Variants in RYK observed in about 807,000 individuals in gnomAD.
The protein encoded by RYK is inactive tyrosine-protein kinase RYK.
A neutral mutation model predicts 70.2 loss-of-function variants in RYK; 21 were observed. The ratio of observed to expected loss-of-function variants is 0.30; its 90% CI spans 0.21 to 0.43. The LOEUF is 0.43. Ranked by LOEUF, RYK falls within the 20% of genes least tolerant of loss-of-function variation. RYK has a pLI of 1.00. For missense variants in RYK, 604 were observed against 753.3 expected (o/e 0.80, Z 2.32); for synonymous variants, 267 against 278.0 (o/e 0.96, Z 0.39).
At chr3:134,180,727 G>C (rs1396726645) in intron 10 of RYK, 1 of 152,214 alleles carries the variant, frequency 6.6e-6, no homozygotes, top group Non-Finnish European at 1.5e-5. Context: ...CTGCTACAAT[G>C]AATGGAAAGA....
At chr3:134,180,419 TAA>T (rs1486545171) in intron 10 of RYK, 1 of 152,220 alleles carries the variant, frequency 6.6e-6, no homozygotes, top group Non-Finnish European at 1.5e-5. Flanking sequence ...CCATGGATGT[TAA>T]AACATGAAGC....
In RYK at chr3:134,195,302, C is replaced by A. The variant is rs1576514943; in HGVS notation, c.789-120G>T. On this transcript the variant is annotated intron_variant, in intron 6 of 14. Transcript: ENST00000623711. ...CAGCCTAAAATCCTTACGGAGATCACAATAATTCATGATGTTCCAATACTG... is the reference window on the plus strand; with the variant it reads ...CAGCCTAAAATCCTTACGGAGATCAAAATAATTCATGATGTTCCAATACTG... 3 of 676,028 alleles carry A rather than the reference C, an allele frequency of 4.4e-6. No individual in the cohort carries two copies. The East Asian group carries it at 8.4e-5, about 19-fold the overall frequency. The allele number at this position is 676,028 out of a possible 1,614,324, so 41.9% of individuals were successfully genotyped here.
intron 6 of RYK, among the ~76,000 whole-genome samples, chr3:134,196,771 C>T (rs2013832405): frequency 6.6e-6 from 1 of 152,070 alleles, no homozygotes; most frequent in South Asian, 2.1e-4. Flanking sequence ...GCTAATAATA[C>T]AATATACTAC....
At chr3:134,227,447 C>G (rs2014943398) in intron 1 of RYK, among the ~76,000 whole-genome samples, 1 of 151,702 alleles carries the variant, frequency 6.6e-6, no homozygotes, top group Non-Finnish European at 1.5e-5. Context: ...CAACAACGAT[C>G]TTGAAAATGA....
At chr3:134,209,255 C>CA (rs749829940) in intron 4 of RYK, among the ~76,000 whole-genome samples, 5 of 152,144 alleles carry the variant, frequency 3.3e-5, no homozygotes, top group Non-Finnish European at 7.4e-5. Flanking sequence ...AACTAAGCCT[C>CA]AGAGAGGTTA....
intron 1 of RYK, among the ~76,000 whole-genome samples, chr3:134,244,922 G>A (rs2015417859): frequency 6.6e-6 from 1 of 152,174 alleles, no homozygotes; most frequent in Non-Finnish European, 1.5e-5. Context: ...GAGCTCGTTT[G>A]CCCCTTCCAC....
intron 13 of RYK, among the ~76,000 whole-genome samples, chr3:134,172,247 A>G (rs1406692450): frequency 6.6e-6 from 1 of 152,260 alleles, no homozygotes; most frequent in Non-Finnish European, 1.5e-5. Context: ...GTAAACACTA[A>G]GAAAAGTTTA....
chr3:134,202,246 T>C (rs1242758463), intron 6 of RYK, among the ~76,000 whole-genome samples: 1 of 152,152 alleles, frequency 6.6e-6, no homozygotes, highest in Non-Finnish European at 1.5e-5. Context: ...CATCAAAATC[T>C]CTGGAAGGTG....
At chr3:134,210,148 C>G (rs554963770) in intron 3 of RYK, among the ~76,000 whole-genome samples, 1 of 152,142 alleles carries the variant, frequency 6.6e-6, no homozygotes, top group African/African-American at 2.4e-5. Context: ...TCCTGCTATT[C>G]CAGTACACTA....
Position 134,158,269 on chromosome 3 carries a change from A to G in RYK, c.1713-5T>C, listed in dbSNP as rs56088702. On this transcript the variant is annotated splice_polypyrimidine_tract_variant and splice_region_variant and intron_variant, in intron 14 of 14. Coordinates refer to ENST00000623711, the MANE Select transcript of RYK (RefSeq NM_002958.4). ...CAACAGGCCATCACAGCAAATCTGCAGAGTGACAAAAATGAAAATTTGGGC... is the reference window on the plus strand; with the variant it reads ...CAACAGGCCATCACAGCAAATCTGCGGAGTGACAAAAATGAAAATTTGGGC... 0.13 allele frequency: 203,772 copies of G among 1,535,778 alleles called. 15,926 individuals are homozygous for G. Among genetic ancestry groups the G allele is most frequent in the Non-Finnish European group, 0.16 (181,743 of 1,137,686 alleles).
intron 1 of RYK, among the ~76,000 whole-genome samples, chr3:134,236,175 C>A (rs1262612389): frequency 6.6e-6 from 1 of 151,932 alleles, no homozygotes; most frequent in African/African-American, 2.4e-5. Flanking sequence ...GTGACTCCAA[C>A]AATCCTAATG....
At chr3:134,224,941 T>G (rs2014857988) in intron 1 of RYK, among the ~76,000 whole-genome samples, 4 of 152,190 alleles carry the variant, frequency 2.6e-5, no homozygotes, top group Admixed American at 2.6e-4. Context: ...ATATCTATAT[T>G]CTATTTCTAG....
At chr3:134,159,178 CTT>C in intron 14 of RYK, 57 bp downstream of exon 14, 9 of 1,561,758 alleles carry the variant, frequency 5.8e-6, no homozygotes, top group Non-Finnish European at 7.9e-6. Context: ...GCTCTTTTTC[CTT>C]TATTCCAATA....
intron 4 of RYK, among the ~76,000 whole-genome samples, chr3:134,208,621 A>G (rs903963792): frequency 1.3e-5 from 2 of 152,206 alleles, no homozygotes; most frequent in African/African-American, 4.8e-5. Flanking sequence ...ACATTAGCCA[A>G]TTCAACTCAC....
At chr3:134,159,979 C>T (rs542333548) in intron 13 of RYK, among the ~76,000 whole-genome samples, 54 of 152,250 alleles carry the variant, frequency 3.5e-4, no homozygotes, top group African/African-American at 1.3e-3. Context: ...TTGGCCAATT[C>T]CTGGCTGTAC....
At chr3:134,176,281 T>C (rs1291588946) in intron 11 of RYK, among the ~76,000 whole-genome samples, 2 of 152,232 alleles carry the variant, frequency 1.3e-5, no homozygotes, top group Non-Finnish European at 2.9e-5. Flanking sequence ...CTGTTAGATG[T>C]ATCTCCCCAA....
chr3:134,157,732 AT>A lies in RYK; in HGVS notation c.*420del, dbSNP rs909432595. On this transcript the variant is annotated 3_prime_UTR_variant, in exon 15 of 15. Coordinates refer to ENST00000623711, the MANE Select transcript of RYK (RefSeq NM_002958.4). ...CCATTTCCCAGAGTAGTGATAAAAA[AT>A]AACACTAAAAAAACTTTAAAGGTGA... 4 of 153,558 alleles carry A rather than the reference AT, an allele frequency of 2.6e-5. No individual in the cohort carries two copies. The highest frequency in any genetic ancestry group is 1.3e-4 in the Admixed American group (2 of 15,330). 9.5% of individuals were successfully genotyped at this position (153,558 alleles called of 1,614,324 possible). A position where few individuals can be genotyped will look rare whatever the true frequency, so the allele number is the denominator to read the frequency against.
intron 1 of RYK, among the ~76,000 whole-genome samples, chr3:134,249,790 G>T (rs1228038263): frequency 6.6e-6 from 1 of 152,054 alleles, no homozygotes; most frequent in Non-Finnish European, 1.5e-5. Context: ...AAAAAGGTCT[G>T]CTACCTGGCG....
At chr3:134,160,505 A>T (rs2012424679) in intron 13 of RYK, among the ~76,000 whole-genome samples, 1 of 152,208 alleles carries the variant, frequency 6.6e-6, no homozygotes, top group South Asian at 2.1e-4. Context: ...AAGCCTTATA[A>T]TAGTGAACAA....
Sources: gnomAD v4.1 joint callset for allele counts (sites outside exome capture counted in the v4.1 genomes callset) on GRCh38, gnomAD v4.1.1 for gene constraint, MANE v1.5 for transcripts, NCBI Gene and HGNC (gene_info 2026-07-23, HGNC 2026-07-21) for gene names.